EPHA4: variants seen among roughly 807,000 people sequenced by gnomAD.
EPHA4 encodes the protein EPH receptor A4.
Under a neutral mutation model 108.3 loss-of-function variants are expected in EPHA4, and 19 were observed. The observed-to-expected ratio is 0.18, with a 90% CI of 0.12 to 0.26. EPHA4 has a LOEUF of 0.26. EPHA4 is among the 10% of genes least tolerant of loss of function. The pLI is 1.00. For synonymous variants in EPHA4, 449 were observed against 455.5 expected (o/e 0.99, Z 0.18); for missense variants, 917 against 1,254.0 (o/e 0.73, Z 4.06).
intron 3 of EPHA4, among the ~76,000 whole-genome samples, chr2:221,539,942 G>A: frequency 6.6e-6 from 1 of 152,042 alleles, no homozygotes; most frequent in South Asian, 2.1e-4. Context: ...TTCTGAGATG[G>A]AGTCTCACTC....
chr2:221,502,265 T>A (rs1447699089), intron 3 of EPHA4, among the ~76,000 whole-genome samples: 1 of 152,094 alleles, frequency 6.6e-6, no homozygotes, highest in African/African-American at 2.4e-5. Flanking sequence ...CAGATAAAAA[T>A]TGACCAACAC....
At chr2:221,568,643 A>G in intron 2 of EPHA4, 75 bp downstream of exon 2, 1 of 1,195,772 alleles carries the variant, frequency 8.4e-7, no homozygotes, top group Admixed American at 2.2e-5. Context: ...ACAAGAATCA[A>G]GCCATTAGGA....
chr2:221,466,205 T>A (rs559030145), intron 5 of EPHA4, among the ~76,000 whole-genome samples: 2 of 152,352 alleles, frequency 1.3e-5, no homozygotes, highest in African/African-American at 4.8e-5. Flanking sequence ...ATTCAGCTGA[T>A]CTTATGCTAA....
intron 4 of EPHA4, among the ~76,000 whole-genome samples, chr2:221,492,277 T>C (rs542894178): frequency 1.3e-5 from 2 of 152,296 alleles, no homozygotes; most frequent in Admixed American, 6.5e-5. Flanking sequence ...CCTCGAATCT[T>C]TGCATTTTCC....
chr2:221,457,217 G>C (rs1219569485), intron 6 of EPHA4, among the ~76,000 whole-genome samples: 1 of 152,148 alleles, frequency 6.6e-6, no homozygotes, highest in Non-Finnish European at 1.5e-5. Flanking sequence ...AAGCCAATAA[G>C]TGATTATCTT....
intron 9 of EPHA4, among the ~76,000 whole-genome samples, chr2:221,444,432 G>T (rs1190836205): frequency 6.6e-6 from 1 of 151,122 alleles, no homozygotes; most frequent in African/African-American, 2.4e-5. Context: ...GGGGCACAGA[G>T]GGTATGAAGG....
At chr2:221,473,727 G>C (rs1369597941) in intron 5 of EPHA4, among the ~76,000 whole-genome samples, 1 of 152,090 alleles carries the variant, frequency 6.6e-6, no homozygotes, top group East Asian at 1.9e-4. Context: ...GTGACAACTA[G>C]ATAATTTAGA....
chr2:221,429,896 C>T, intron 15 of EPHA4, 62 bp downstream of exon 15: 4 of 1,576,566 alleles, frequency 2.5e-6, no homozygotes, highest in Non-Finnish European at 3.5e-6. Flanking sequence ...AAGTGAGTCA[C>T]CACTTGCCTG....
chr2:221,537,944 C>T (rs1183144120), intron 3 of EPHA4, among the ~76,000 whole-genome samples: 1 of 152,156 alleles, frequency 6.6e-6, no homozygotes, highest in African/African-American at 2.4e-5. Flanking sequence ...TACAGTTATC[C>T]AGACTATCTT....
At chr2:221,573,649 G>A (rs1446478606), upstream of EPHA4, 1 of 152,226 alleles carries the variant, frequency 6.6e-6, no homozygotes, top group East Asian at 1.9e-4. This position sits in a 1 kb window ranked among gnomAD's most constrained non-coding sequence, Gnocchi z 4.5. Context: ...GGAGGTGGAG[G>A]AGCCTCTCCA....
intron 3 of EPHA4, among the ~76,000 whole-genome samples, chr2:221,550,817 G>A (rs1455036340): frequency 6.6e-6 from 1 of 151,224 alleles, no homozygotes; most frequent in Non-Finnish European, 1.5e-5. Flanking sequence ...TTCTACAAAT[G>A]CAAAGAGAGT....
At chr2:221,551,843 T>C (rs1365018195) in intron 3 of EPHA4, among the ~76,000 whole-genome samples, 12 of 152,062 alleles carry the variant, frequency 7.9e-5, no homozygotes, top group Non-Finnish European at 8.8e-5. Context: ...TGAGTTTTTT[T>C]TTCTTACAAA....
chr2:221,484,764 A>T (rs1344135113), intron 4 of EPHA4, among the ~76,000 whole-genome samples: 1 of 152,234 alleles, frequency 6.6e-6, no homozygotes, highest in Non-Finnish European at 1.5e-5. Flanking sequence ...TAATACTGAA[A>T]GTTCATGCAA....
intron 3 of EPHA4, among the ~76,000 whole-genome samples, chr2:221,525,471 G>T (rs1300115357): frequency 6.6e-6 from 1 of 152,144 alleles, no homozygotes; most frequent in Non-Finnish European, 1.5e-5. Flanking sequence ...CGGCAGTGAG[G>T]ATGCTCACTG....
intron 3 of EPHA4, among the ~76,000 whole-genome samples, chr2:221,533,725 CAAAAAAAAAAAAAA>C (rs144676444): frequency 6.1e-4 from 39 of 63,522 alleles, no homozygotes; most frequent in African/African-American, 2.2e-3. Context: ...TGACTAGTGT[CAAAAAAAAAAAAAA>C]AAAAAAAAAA....
intron 4 of EPHA4, among the ~76,000 whole-genome samples, chr2:221,493,407 G>A (rs1295712987): frequency 6.6e-6 from 1 of 151,842 alleles, no homozygotes; most frequent in African/African-American, 2.4e-5. Flanking sequence ...GAGCTTGTTT[G>A]AAAATGGATG....
chr2:221,490,705 T>C (rs1692114936), intron 4 of EPHA4, among the ~76,000 whole-genome samples: 1 of 152,234 alleles, frequency 6.6e-6, no homozygotes, highest in Non-Finnish European at 1.5e-5. Context: ...CCTTTGTTGT[T>C]AATCTCTCTC....
upstream of EPHA4, chr2:221,572,858 A>T (rs1033675696): frequency 6.6e-6 from 1 of 151,288 alleles, no homozygotes; most frequent in African/African-American, 2.4e-5. Flanking sequence ...CCTCTGAAAT[A>T]CTCTTTGCGG....
intron 8 of EPHA4, among the ~76,000 whole-genome samples, chr2:221,453,293 CAACCA>C (rs1690840763): frequency 6.6e-6 from 1 of 152,148 alleles, no homozygotes; most frequent in South Asian, 2.1e-4. Context: ...TATTTTCTAA[CAACCA>C]AGATTATTTC....
Sources: gnomAD v4.1 joint callset for allele counts (sites outside exome capture counted in the v4.1 genomes callset) on GRCh38, gnomAD v4.1.1 for gene constraint, Gnocchi (gnomAD v3.1) non-coding constraint, MANE v1.5 for transcripts, NCBI Gene and HGNC (gene_info 2026-07-23, HGNC 2026-07-21) for gene names.